The following CA13 variants were observed in gnomAD, a reference collection of about 807,000 sequenced individuals.
The protein encoded by CA13 is carbonic anhydrase 13.
In CA13, 21 loss-of-function variants were observed where a neutral mutation model predicts 31.5. The ratio of observed to expected loss-of-function variants is 0.67; its 90% CI spans 0.47 to 0.96. CA13 has a LOEUF of 0.96. Among genes scored for constraint, CA13 ranks in the 40% least tolerant of loss-of-function variants. The pLI, the probability that CA13 is intolerant of heterozygous loss-of-function variation, is 0.00. For missense variants in CA13, 315 were observed against 318.9 expected, an observed-to-expected ratio of 0.99 and a Z score of 0.09; for synonymous variants, 117 against 111.4, an observed-to-expected ratio of 1.05 and a Z score of -0.32.
chr8:85,247,823 G>A (rs1208467531), intron 1 of CA13, among the ~76,000 whole-genome samples: 1 of 151,972 alleles, frequency 6.6e-6, no homozygotes, highest in Admixed American at 6.6e-5. Flanking sequence ...TGCCTGCCTT[G>A]GCCTCCCAAA....
Position 85,282,242 on chromosome 8 carries a change from C to T in CA13, c.*893C>T, listed in dbSNP as rs1587549360. Reference sequence around the variant, plus strand: ...AATGGGATAAAGCTACTTAATGTGTCTCCTCCACTGATCAAAAATATTCCA... The same window carrying T: ...AATGGGATAAAGCTACTTAATGTGTTTCCTCCACTGATCAAAAATATTCCA... On this transcript the variant is annotated 3_prime_UTR_variant, in exon 7 of 7. Coordinates refer to ENST00000321764, the MANE Select transcript of CA13 (RefSeq NM_198584.3). The T allele has an allele frequency of 6.6e-6, 1 of 152,654 alleles. No individual in the cohort carries two copies. The highest frequency in any genetic ancestry group is 1.9e-4 in the East Asian group (1 of 5,184). The allele number at this position is 152,654 out of a possible 1,614,324, so 9.5% of individuals were successfully genotyped here. A position where few individuals can be genotyped will look rare whatever the true frequency, so the allele number is the denominator to read the frequency against.
chr8:85,278,265 CAAA>C (rs1012685036), intron 6 of CA13, among the ~76,000 whole-genome samples: 3 of 76,970 alleles, frequency 3.9e-5, no homozygotes, highest in African/African-American at 5.3e-5. Flanking sequence ...GACTCTATCT[CAAA>C]AAAAAAAAAA....
Position 85,250,717 on chromosome 8 carries a change from T to C in CA13, c.38-23T>C, listed in dbSNP as rs766169788. The C allele has an allele frequency of 2.0e-6, 3 of 1,484,496 alleles. No homozygotes were observed. In the Admixed American group the frequency reaches 5.3e-5, roughly 26 times the overall value. 92.0% of individuals were successfully genotyped at this position (1,484,496 alleles called of 1,614,324 possible). ...AAAGAAAGAACTTATTTAATCCTTT[T>C]CTTTTGGTCCTATATATTTAAGGTC... On this transcript the variant is annotated intron_variant, in intron 1 of 6. Coordinates refer to ENST00000321764, the MANE Select transcript of CA13 (RefSeq NM_198584.3).
intron 3 of CA13, among the ~76,000 whole-genome samples, chr8:85,265,918 G>A (rs1245731339): frequency 6.6e-6 from 1 of 152,210 alleles, no homozygotes; most frequent in Admixed American, 6.5e-5. Flanking sequence ...ATGACAGGTA[G>A]TAAACATTTA....
chr8:85,281,281 T>C lies in CA13; in HGVS notation c.721T>C (p.Phe241Leu). Residue 241 changes from phenylalanine (F) to leucine (L), a missense_variant, in exon 7 of 7, where the codon TTT (phenylalanine) becomes CTT (leucine). By Grantham distance (22) the Phe-to-Leu change is conservative (BLOSUM62 0). Transcript: ENST00000321764. ...CACAGCGGAGGGTGAAGCAGCAGCTTTTCTGGTGAGCAATCACCGCCCACC... is the reference window on the plus strand; with the variant it reads ...CACAGCGGAGGGTGAAGCAGCAGCTCTTCTGGTGAGCAATCACCGCCCACC... ...LCTAEGEAAAFLVSNHRPPQP... is the reference protein window; with the variant it reads ...LCTAEGEAAALLVSNHRPPQP... The C allele has an allele frequency of 6.2e-7, 1 of 1,614,082 alleles. No homozygotes were observed. The highest frequency in any genetic ancestry group is 8.5e-7 in the Non-Finnish European group (1 of 1,179,978).
intron 6 of CA13, among the ~76,000 whole-genome samples, chr8:85,273,027 A>G (rs1040305796): frequency 6.6e-6 from 1 of 152,198 alleles, no homozygotes; most frequent in African/African-American, 2.4e-5. Context: ...CATGTTAGCC[A>G]GGCTGGTCTC....
In CA13 at chr8:85,274,540, C is replaced by T. The variant is rs543366430; in HGVS notation, c.669+5913C>T. Among the ~76,000 whole-genome samples, 12 of 152,296 alleles carry T rather than the reference C, an allele frequency of 7.9e-5. No individual in the cohort carries two copies. The South Asian group carries it at 8.3e-4, about 11-fold the overall frequency. ...GAAGCGATTTCTAGAACCGCTTTTC[C>T]GTTATCGTCTATGTTAAGACAGCAA... is the stretch of plus-strand genomic sequence containing the variant. On this transcript the variant is annotated intron_variant, in intron 6 of 6. Coordinates refer to ENST00000321764, the MANE Select transcript of CA13 (RefSeq NM_198584.3).
chr8:85,245,786 G>A lies in CA13; in HGVS notation c.-43G>A. 1 of 1,610,450 alleles carries A rather than the reference G, an allele frequency of 6.2e-7. No homozygotes were observed. Among genetic ancestry groups the A allele is most frequent in the Non-Finnish European group, 8.5e-7 (1 of 1,176,942 alleles). Reference sequence around the variant, plus strand: ...CCCTCCCCGCTCCCTCCTCTTTCTCGCTGCTCAGTCACATCTTTCTCTTCC... The same window carrying A: ...CCCTCCCCGCTCCCTCCTCTTTCTCACTGCTCAGTCACATCTTTCTCTTCC... On this transcript the variant is annotated 5_prime_UTR_variant, in exon 1 of 7. Transcript: ENST00000321764.
intron 1 of CA13, among the ~76,000 whole-genome samples, chr8:85,247,075 A>G (rs1251378568): frequency 6.6e-6 from 1 of 152,202 alleles, no homozygotes; most frequent in Non-Finnish European, 1.5e-5. Context: ...TATAACTTTA[A>G]TAATAAAAGG....
Position 85,282,495 on chromosome 8 carries a change from G to C in CA13, c.*1146G>C, listed in dbSNP as rs1807722700. 6.6e-6 allele frequency: 1 copy of C among 152,334 alleles called. No homozygotes were observed. Among genetic ancestry groups the C allele is most frequent in the South Asian group, 2.1e-4 (1 of 4,830 alleles). 9.4% of individuals were successfully genotyped at this position (152,334 alleles called of 1,614,324 possible). A position where few individuals can be genotyped will look rare whatever the true frequency, so the allele number is the denominator to read the frequency against. On this transcript the variant is annotated 3_prime_UTR_variant, in exon 7 of 7. Transcript: ENST00000321764. ...CATGATGAACATGTGGCCCGTTTTT[G>C]CCTGGTGTTTTGGCAGCAAAGCAGG...
At chr8:85,278,825 G>C (rs1057033267) in intron 6 of CA13, among the ~76,000 whole-genome samples, 3 of 152,186 alleles carry the variant, frequency 2.0e-5, no homozygotes, top group South Asian at 2.1e-4. Context: ...AAGTTTCTCT[G>C]TGGTTAGTGC....
chr8:85,280,569 A>G lies in CA13; in HGVS notation c.670-661A>G, dbSNP rs563674864. On this transcript the variant is annotated intron_variant, in intron 6 of 6. Coordinates refer to ENST00000321764, the MANE Select transcript of CA13 (RefSeq NM_198584.3). ...TCATTCCTAATAATTTGTCTTCATC[A>G]AAGTAAAACAAAATAAACACCAAAG... 5.3e-5 allele frequency among the ~76,000 whole-genome samples: 8 copies of G among 152,330 alleles called. No individual in the cohort carries two copies. The East Asian group carries it at 1.4e-3, about 26-fold the overall frequency.
intron 6 of CA13, among the ~76,000 whole-genome samples, chr8:85,270,397 T>C (rs371997221): frequency 2.5e-4 from 38 of 152,318 alleles, no homozygotes; most frequent in African/African-American, 8.2e-4. Context: ...AGGCAAATAA[T>C]AACCTAGTGT....
chr8:85,273,765 C>T (rs922935498), intron 6 of CA13, among the ~76,000 whole-genome samples: 8 of 152,084 alleles, frequency 5.3e-5, no homozygotes, highest in African/African-American at 1.4e-4. Context: ...TGTCTGCCCC[C>T]AGGGATGCAA....
chr8:85,280,864 A>G (rs1334075297), intron 6 of CA13, among the ~76,000 whole-genome samples: 3 of 152,234 alleles, frequency 2.0e-5, no homozygotes, highest in Non-Finnish European at 2.9e-5. Context: ...AACAGCATAT[A>G]TAGTTGAGTT....
intron 6 of CA13, among the ~76,000 whole-genome samples, chr8:85,280,731 A>C (rs1251593845): frequency 6.6e-6 from 1 of 152,252 alleles, no homozygotes; most frequent in African/African-American, 2.4e-5. Context: ...GGATTGTTAA[A>C]AATTTATAAA....
chr8:85,248,673 G>A (rs1813773555), intron 1 of CA13, among the ~76,000 whole-genome samples: 1 of 151,982 alleles, frequency 6.6e-6, no homozygotes, highest in African/African-American at 2.4e-5. Context: ...AACTGACTAT[G>A]GTAGTTAGTA....
At chr8:85,267,056 C>G (rs916188748) in intron 4 of CA13, among the ~76,000 whole-genome samples, 3 of 152,204 alleles carry the variant, frequency 2.0e-5, no homozygotes, top group Admixed American at 6.5e-5. Context: ...AAACACTGGT[C>G]TCACCACAAT....
chr8:85,266,037 TC>T lies in CA13; in HGVS notation c.355-569del, dbSNP rs558916415. ...CACCCATCTGTGAGCTCAGCCCTCT[TC>T]CATGGACTTTACTGCCAGCCGGGAT... On this transcript the variant is annotated intron_variant, in intron 3 of 6. Coordinates refer to ENST00000321764, the MANE Select transcript of CA13 (RefSeq NM_198584.3). 4.1e-3 allele frequency among the ~76,000 whole-genome samples: 625 copies of T among 152,286 alleles called. 3 individuals are homozygous for T. The highest frequency in any genetic ancestry group is 6.6e-3 in the Non-Finnish European group (451 of 68,008).
Sources: gnomAD v4.1 joint callset for allele counts (sites outside exome capture counted in the v4.1 genomes callset) on GRCh38, gnomAD v4.1.1 for gene constraint, MANE v1.5 for transcripts, NCBI Gene and HGNC (gene_info 2026-07-23, HGNC 2026-07-21) for gene names.